MACROD2: variants seen among roughly 807,000 people sequenced by gnomAD.
MACROD2 encodes mono-ADP ribosylhydrolase 2.
Under a neutral mutation model 70.4 loss-of-function variants are expected in MACROD2, and 36 were observed. That is an observed-to-expected ratio of 0.51 (90% confidence interval 0.39 to 0.68). The LOEUF is 0.68. Among genes scored for constraint, MACROD2 ranks in the 30% least tolerant of loss-of-function variants. MACROD2 has a pLI of 0.00. For synonymous variants in MACROD2, 172 were observed against 178.8 expected, an observed-to-expected ratio of 0.96 and a Z score of 0.30; for missense variants, 496 against 538.4, an observed-to-expected ratio of 0.92 and a Z score of 0.78.
chr20:14,474,672 T>G (rs540445815), intron 3 of MACROD2, among the ~76,000 whole-genome samples: 2 of 152,270 alleles, frequency 1.3e-5, no homozygotes, highest in South Asian at 2.1e-4. Flanking sequence ...TGCATACATA[T>G]TTACAATTTT....
intron 8 of MACROD2, among the ~76,000 whole-genome samples, chr20:15,861,696 A>G (rs561238770): frequency 5.6e-4 from 86 of 152,216 alleles, no homozygotes; most frequent in African/African-American, 1.9e-3. Flanking sequence ...CCCAGCCCCT[A>G]CTTCTTGCCC....
At chr20:14,955,003 T>C (rs2074517161) in intron 5 of MACROD2, among the ~76,000 whole-genome samples, 1 of 638 alleles carries the variant, frequency 1.6e-3, no homozygotes, top group Non-Finnish European at 5.7e-3. Flanking sequence ...TATTATATAT[T>C]TATATTTATA....
At chr20:14,852,955 G>T (rs1027175338) in intron 5 of MACROD2, among the ~76,000 whole-genome samples, 12 of 152,090 alleles carry the variant, frequency 7.9e-5, no homozygotes, top group African/African-American at 2.9e-4. Flanking sequence ...AATCTCTTTG[G>T]GGAAGCAAGA....
intron 3 of MACROD2, among the ~76,000 whole-genome samples, chr20:14,086,438 T>C (rs1601205125): frequency 6.6e-6 from 1 of 152,218 alleles, no homozygotes; most frequent in African/African-American, 2.4e-5. Flanking sequence ...GTTTGAAGTT[T>C]GCAAGTGTCA....
intron 5 of MACROD2, among the ~76,000 whole-genome samples, chr20:14,936,020 A>G (rs1307708098): frequency 6.6e-6 from 1 of 152,182 alleles, no homozygotes; most frequent in African/African-American, 2.4e-5. Context: ...TAGGAATACC[A>G]TAAGGTACAA....
intron 3 of MACROD2, among the ~76,000 whole-genome samples, chr20:14,143,748 A>C (rs2054907583): frequency 6.6e-6 from 1 of 152,178 alleles, no homozygotes; most frequent in Non-Finnish European, 1.5e-5. Context: ...TGAGTAAGAG[A>C]CTTATGATTT....
At chr20:15,980,739 A>G (rs529181108) in intron 13 of MACROD2, among the ~76,000 whole-genome samples, 15 of 152,300 alleles carry the variant, frequency 9.8e-5, no homozygotes, top group Admixed American at 6.5e-4. Context: ...GTAATTAGTA[A>G]GGTTAAATTT....
At chr20:15,705,548 T>C (rs6043468) in intron 8 of MACROD2, among the ~76,000 whole-genome samples, 18,064 of 152,108 alleles carry the variant, frequency 0.12, 1,121 homozygotes, top group South Asian at 0.24. Flanking sequence ...GCCTCCCCAG[T>C]AGCTGGGATT....
chr20:15,403,576 G>GA (rs1319305532), intron 6 of MACROD2, among the ~76,000 whole-genome samples: 4 of 152,132 alleles, frequency 2.6e-5, no homozygotes, highest in Non-Finnish European at 4.4e-5. Flanking sequence ...ACCCAGGTGT[G>GA]AAAAAACACA....
chr20:15,177,149 G>A (rs1436300019), intron 5 of MACROD2, among the ~76,000 whole-genome samples: 3 of 152,192 alleles, frequency 2.0e-5, no homozygotes, highest in African/African-American at 4.8e-5. Context: ...TGGGATCCAG[G>A]ACAGTAGCGT....
intron 12 of MACROD2, among the ~76,000 whole-genome samples, chr20:15,946,555 G>T (rs903069303): frequency 1.3e-5 from 2 of 152,110 alleles, no homozygotes; most frequent in Non-Finnish European, 2.9e-5. Context: ...ATGTTATCAT[G>T]AACTATATTG....
chr20:15,690,087 T>TA (rs1445079578), intron 8 of MACROD2, among the ~76,000 whole-genome samples: 3 of 152,184 alleles, frequency 2.0e-5, no homozygotes, highest in Middle Eastern at 3.2e-3. Flanking sequence ...TGACCAGACT[T>TA]ACATTTATGA....
At chr20:16,000,043 C>A (rs1041582417) in intron 15 of MACROD2, among the ~76,000 whole-genome samples, 2 of 152,138 alleles carry the variant, frequency 1.3e-5, no homozygotes, top group African/African-American at 2.4e-5. Flanking sequence ...TTACAGTTAT[C>A]GCACTCTGTC....
intron 3 of MACROD2, among the ~76,000 whole-genome samples, chr20:14,152,428 ATT>A (rs5840595): frequency 1.6e-3 from 206 of 127,376 alleles, no homozygotes; most frequent in Middle Eastern, 4.1e-3. Context: ...TCTCCTCTAC[ATT>A]TTTTTTTTTT....
intron 3 of MACROD2, among the ~76,000 whole-genome samples, chr20:14,462,552 G>T (rs964468866): frequency 6.6e-6 from 1 of 151,584 alleles, no homozygotes; most frequent in Non-Finnish European, 1.5e-5. Flanking sequence ...GATCCCATTT[G>T]TCAATTTTGG....
intron 3 of MACROD2, among the ~76,000 whole-genome samples, chr20:14,221,492 A>G (rs2081673957): frequency 6.6e-6 from 1 of 152,020 alleles, no homozygotes; most frequent in Non-Finnish European, 1.5e-5. Context: ...CTCAAGACAG[A>G]TTAAAGACTT....
chr20:15,202,573 T>A (rs1387367799), intron 5 of MACROD2, among the ~76,000 whole-genome samples: 3 of 152,170 alleles, frequency 2.0e-5, no homozygotes, highest in Non-Finnish European at 4.4e-5. Flanking sequence ...TTAAAATGAT[T>A]TAAAATAATC....
intron 4 of MACROD2, among the ~76,000 whole-genome samples, chr20:14,592,695 G>A (rs1257163905): frequency 1.3e-5 from 2 of 152,134 alleles, no homozygotes; most frequent in Admixed American, 6.5e-5. Context: ...TTATTGGTCT[G>A]CATAGGGATC....
At chr20:14,601,123 A>G (rs1371853113) in intron 4 of MACROD2, among the ~76,000 whole-genome samples, 1 of 152,158 alleles carries the variant, frequency 6.6e-6, no homozygotes, top group Non-Finnish European at 1.5e-5. Context: ...CTGGCTCCTA[A>G]AAGTCAAGCA....
Sources: gnomAD v4.1 joint callset for allele counts (sites outside exome capture counted in the v4.1 genomes callset) on GRCh38, gnomAD v4.1.1 for gene constraint, MANE v1.5 for transcripts, NCBI Gene and HGNC (gene_info 2026-07-23, HGNC 2026-07-21) for gene names.